Variants in NRXN2 observed in about 807,000 individuals in gnomAD.
NRXN2 encodes the protein neurexin-2-beta.
In NRXN2, 29 loss-of-function variants were observed where a neutral mutation model predicts 128.8. The observed-to-expected ratio is 0.23, with a 90% CI of 0.17 to 0.31. The LOEUF (loss-of-function observed/expected upper bound fraction) is 0.31. Ranked by LOEUF, NRXN2 falls within the 10% of genes least tolerant of loss-of-function variation. The probability of loss-of-function intolerance (pLI) is 1.00; values close to 1 mark genes in which losing one functional copy is unlikely to be tolerated. For missense variants in NRXN2, 1,881 were observed against 2,452.6 expected (o/e 0.77, Z 4.92); for synonymous variants, 1,098 against 1,075.2 (o/e 1.02, Z -0.41).
chr11:64,654,234 C>T (rs1475849182), intron 11 of NRXN2, among the ~76,000 whole-genome samples: 3 of 152,134 alleles, frequency 2.0e-5, no homozygotes, highest in African/African-American at 2.4e-5. Context: ...AGGGGTCTGC[C>T]CCAGGGCCCC....
At position 64,635,671 on chromosome 11, in the gene NRXN2, C is replaced by G. The variant is rs1049543933; in HGVS notation, c.3404-219G>C. 1.3e-5 allele frequency among the ~76,000 whole-genome samples: 2 copies of G among 152,130 alleles called. No homozygotes were observed. The highest frequency in any genetic ancestry group is 1.3e-4 in the Admixed American group (2 of 15,286). On this transcript the variant is annotated intron_variant, in intron 17 of 22. Coordinates refer to ENST00000265459, the MANE Select transcript of NRXN2 (RefSeq NM_015080.4). This position sits in a 1 kb window ranked among gnomAD's most constrained non-coding sequence, Gnocchi z 4.8. ...CACGCGCACAGACAGATGTAGCTGC[C>G]TCATCAAGAATGCTAGCTTTAATTA...
chr11:64,607,546 G>A lies in NRXN2; in HGVS notation c.4789C>T (p.Arg1597Cys), dbSNP rs759718559. The A allele has an allele frequency of 1.3e-6, 2 of 1,552,068 alleles. No homozygotes were observed. Among genetic ancestry groups the A allele is most frequent in the African/African-American group, 1.4e-5 (1 of 73,706 alleles). The change falls in exon 23 of 23, where the codon CGC (arginine) becomes TGC (cysteine). Residue 1597 changes from arginine (R) to cysteine (C), a missense_variant. By Grantham distance (180) the Arg-to-Cys change is radical. This residue lies in a region of NRXN2 where 310 missense variants were observed against 318.2 expected (regional missense o/e 0.97). Coordinates refer to ENST00000265459, the MANE Select transcript of NRXN2 (RefSeq NM_015080.4). ...CCGGGGGCTGAGGTCACGCCGGGGC[G>A]CAGGGGAGGGGGCCTCCGCGGCTCA... ...SFEPRRPPPL[R>C]PGVTSAPGFP...
intron 22 of NRXN2, among the ~76,000 whole-genome samples, chr11:64,610,386 G>A (rs1268067956): frequency 6.6e-6 from 1 of 152,180 alleles, no homozygotes. Context: ...AGATCACCAG[G>A]TGTAGGTGCC....
Position 64,635,175 on chromosome 11 carries a change from G to T in NRXN2, c.3585+96C>A. The stretch of plus-strand genomic sequence containing the variant: ...AGAGGTTCTGAGGGTTCCCCATGAG[G>T]GAAGACTTGAGGTGCTGATCCCATG... On this transcript the variant is annotated intron_variant, in intron 18 of 22. Coordinates refer to ENST00000265459, the MANE Select transcript of NRXN2 (RefSeq NM_015080.4). This position sits in a 1 kb window ranked among gnomAD's most constrained non-coding sequence, Gnocchi z 4.8. The T allele has an allele frequency of 7.1e-7, 1 of 1,402,420 alleles. No individual in the cohort carries two copies. Among genetic ancestry groups the T allele is most frequent in the Non-Finnish European group, 1.0e-6 (1 of 993,110 alleles). 86.9% of individuals were successfully genotyped at this position (1,402,420 alleles called of 1,614,324 possible).
At chr11:64,618,915 G>A (rs1025614607) in intron 22 of NRXN2, among the ~76,000 whole-genome samples, 3 of 152,116 alleles carry the variant, frequency 2.0e-5, no homozygotes, top group African/African-American at 7.2e-5. Flanking sequence ...CTCTGGGTCT[G>A]GGCGCCTGTG....
At chr11:64,721,789 G>A (rs375489199) in intron 1 of NRXN2, among the ~76,000 whole-genome samples, 1 of 151,956 alleles carries the variant, frequency 6.6e-6, no homozygotes. Flanking sequence ...ACGCCCACCC[G>A]CCAACACATG....
chr11:64,609,093 T>C (rs1222826837), intron 22 of NRXN2, among the ~76,000 whole-genome samples: 2 of 151,624 alleles, frequency 1.3e-5, no homozygotes, highest in Non-Finnish European at 2.9e-5. Context: ...TCCTGTCCCG[T>C]AGGACTCTGG....
In NRXN2 at chr11:64,628,238, G is replaced by A. The variant is rs964845884; in HGVS notation, c.3758-1686C>T. Among the ~76,000 whole-genome samples the A allele has an allele frequency of 4.3e-4, 66 of 152,192 alleles. 1 individual carries two copies. Among genetic ancestry groups the A allele is most frequent in the Non-Finnish European group, 2.4e-4 (16 of 68,020 alleles). Reference sequence around the variant, plus strand: ...GTAGGTATCATCACCTTTCCGAAGTGGAAACTGAGATTCAGAGAGGCTAGA... The same window carrying A: ...GTAGGTATCATCACCTTTCCGAAGTAGAAACTGAGATTCAGAGAGGCTAGA... On this transcript the variant is annotated intron_variant, in intron 19 of 22. Transcript: ENST00000265459.
chr11:64,687,897 G>A (rs969066446), intron 5 of NRXN2, among the ~76,000 whole-genome samples: 2 of 152,172 alleles, frequency 1.3e-5, no homozygotes, highest in Non-Finnish European at 2.9e-5. Flanking sequence ...TGTTTCCATA[G>A]CAACGAAGCC....
chr11:64,721,344 G>T (rs917451013), intron 1 of NRXN2, among the ~76,000 whole-genome samples: 6 of 151,946 alleles, frequency 3.9e-5, no homozygotes, highest in Non-Finnish European at 8.8e-5. Context: ...TATGGATTCA[G>T]CCCAGGCCTG....
intron 15 of NRXN2, 130 bp from the exon 16 acceptor site, chr11:64,649,037 CAG>C: frequency 1.1e-6 from 1 of 906,500 alleles, no homozygotes; most frequent in Admixed American, 1.9e-5. Flanking sequence ...AGGTCCCTAA[CAG>C]AGATCCAGAG....
In NRXN2 at chr11:64,606,969, C is replaced by T; in HGVS notation, c.*227G>A. The T allele has an allele frequency of 1.7e-6, 1 of 577,088 alleles. No individual in the cohort carries two copies. The allele number at this position is 577,088 out of a possible 1,614,324, so 35.7% of individuals were successfully genotyped here. ...CGTGCCCTGCCTGGCAGGCGCAGAGCTGAGAGGGACAGTCAGCCCCGGGAC... is the reference window on the plus strand; with the variant it reads ...CGTGCCCTGCCTGGCAGGCGCAGAGTTGAGAGGGACAGTCAGCCCCGGGAC... On this transcript the variant is annotated 3_prime_UTR_variant, in exon 23 of 23. Transcript: ENST00000265459.
At chr11:64,685,508 A>C in intron 6 of NRXN2, 138 bp downstream of exon 6, 1 of 1,165,870 alleles carries the variant, frequency 8.6e-7, no homozygotes, top group South Asian at 1.3e-5. Context: ...TCACAGCCCC[A>C]ACTCCTGTTC....
chr11:64,651,122 G>A lies in NRXN2; in HGVS notation c.2918+133C>T, dbSNP rs149873648. 5.9e-4 allele frequency: 735 copies of A among 1,249,602 alleles called. 4 individuals carry two copies. The African/African-American group carries it at 8.8e-3, about 15-fold the overall frequency. 77.4% of individuals were successfully genotyped at this position (1,249,602 alleles called of 1,614,324 possible). Reference sequence around the variant, plus strand: ...CTGAAGAGGGAGCCTCTCGACTTACGGTCGGGGACCTGAATCTTGACTTGT... The same window carrying A: ...CTGAAGAGGGAGCCTCTCGACTTACAGTCGGGGACCTGAATCTTGACTTGT... On this transcript the variant is annotated intron_variant, in intron 14 of 22. Transcript: ENST00000265459. The surrounding 1 kb of genome is among the most constrained non-coding windows in gnomAD (Gnocchi z 5.9).
chr11:64,630,312 G>T lies in NRXN2; in HGVS notation c.3757+90C>A. 1 of 1,289,024 alleles carries T rather than the reference G, an allele frequency of 7.8e-7. No individual in the cohort carries two copies. Among genetic ancestry groups the T allele is most frequent in the Non-Finnish European group, 1.1e-6 (1 of 950,406 alleles). 79.8% of individuals were successfully genotyped at this position (1,289,024 alleles called of 1,614,324 possible). A position where few individuals can be genotyped will look rare whatever the true frequency, so the allele number is the denominator to read the frequency against. On this transcript the variant is annotated intron_variant, in intron 19 of 22. Transcript: ENST00000265459. This position sits in a 1 kb window ranked among gnomAD's most constrained non-coding sequence, Gnocchi z 4.6. The stretch of plus-strand genomic sequence containing the variant: ...AGCCGCTTAGCCCCGCCCCAGAGCC[G>T]CTTAGCCCCGCCCCGGTGCGGCCGC...
intron 17 of NRXN2, among the ~76,000 whole-genome samples, chr11:64,636,998 G>A (rs1270052679): frequency 6.6e-6 from 1 of 152,112 alleles, no homozygotes; most frequent in Non-Finnish European, 1.5e-5. Context: ...GAGGTGCTGA[G>A]GAGAGAAGGG....
chr11:64,608,135 C>G, intron 22 of NRXN2, 53 bp from the exon 23 acceptor site: 1 of 1,362,338 alleles, frequency 7.3e-7, no homozygotes, highest in Non-Finnish European at 1.0e-6. Flanking sequence ...GGCCAGGGCG[C>G]AGGCGGCCGG....
In NRXN2 at chr11:64,651,999, G is replaced by A. The variant is rs757205301; in HGVS notation, c.2536+36C>T. Reference sequence around the variant, plus strand: ...GAACAGGGCCAAGCATAGGTCACTGGAGATGTGTCCACCTCCCTGGGCCCA... The same window carrying A: ...GAACAGGGCCAAGCATAGGTCACTGAAGATGTGTCCACCTCCCTGGGCCCA... On this transcript the variant is annotated intron_variant, in intron 13 of 22. Coordinates refer to ENST00000265459, the MANE Select transcript of NRXN2 (RefSeq NM_015080.4). This position sits in a 1 kb window ranked among gnomAD's most constrained non-coding sequence, Gnocchi z 5.9. The A allele has an allele frequency of 6.2e-7, 1 of 1,606,574 alleles. No individual in the cohort carries two copies. The highest frequency in any genetic ancestry group is 8.5e-7 in the Non-Finnish European group (1 of 1,179,850).
intron 17 of NRXN2, among the ~76,000 whole-genome samples, chr11:64,639,593 C>G (rs889096106): frequency 6.6e-6 from 1 of 152,002 alleles, no homozygotes; most frequent in Non-Finnish European, 1.5e-5. Flanking sequence ...TTTTTAGGAC[C>G]CAGGTGTGCC....
Sources: allele counts gnomAD v4.1 joint callset (sites outside exome capture counted in the v4.1 genomes callset), GRCh38; gene constraint gnomAD v4.1.1; regional missense constraint gnomAD v4.1.1; non-coding constraint Gnocchi (gnomAD v3.1); transcripts MANE v1.5; gene names NCBI Gene and HGNC (gene_info 2026-07-23, HGNC 2026-07-21).